The following TTC39C variants were observed in gnomAD, a reference collection of about 807,000 sequenced individuals.
The protein encoded by TTC39C is tetratricopeptide repeat domain 39C.
TTC39C carries 33 observed loss-of-function variants against 76.3 expected under a neutral mutation model. That is an observed-to-expected ratio of 0.43 (90% CI 0.33 to 0.58). The LOEUF is 0.58. Ranked by LOEUF, TTC39C falls within the 20% of genes least tolerant of loss-of-function variation. The pLI, the probability that TTC39C is intolerant of heterozygous loss-of-function variation, is 0.04. For missense variants in TTC39C, 595 were observed against 701.4 expected (o/e 0.85, Z 1.71); for synonymous variants, 254 against 260.6 (o/e 0.97, Z 0.24).
rs1241117430 is a variant in TTC39C at position 24,020,123 on chromosome 18, T to C, written c.167+5085T>C. On this transcript the variant is annotated intron_variant, in intron 1 of 13. Coordinates refer to ENST00000317571, the MANE Select transcript of TTC39C (RefSeq NM_001135993.2). The stretch of plus-strand genomic sequence containing the variant: ...AGAGATGTAAGAAAAGGAGAAGAAA[T>C]GAAAAGCAGAAATGGTTTAAGGGAA... 3.1e-6 allele frequency: 4 copies of C among 1,272,316 alleles called. No individual in the cohort carries two copies. The South Asian group carries it at 1.1e-4, about 35-fold the overall frequency. The allele number at this position is 1,272,316 out of a possible 1,614,324, so 78.8% of individuals were successfully genotyped here.
intron 1 of TTC39C, among the ~76,000 whole-genome samples, chr18:24,053,160 T>C (rs2083973760): frequency 6.6e-6 from 1 of 152,194 alleles, no homozygotes; most frequent in Non-Finnish European, 1.5e-5. Context: ...TTAATAACAA[T>C]ATGAATCATG....
intron 1 of TTC39C, among the ~76,000 whole-genome samples, chr18:24,043,131 A>T (rs2083818579): frequency 6.6e-6 from 1 of 152,230 alleles, no homozygotes; most frequent in Non-Finnish European, 1.5e-5. Context: ...AGTTGAAAAT[A>T]ATGTAATTCG....
At chr18:24,127,029 A>G (rs2085059557) in intron 10 of TTC39C, among the ~76,000 whole-genome samples, 1 of 152,264 alleles carries the variant, frequency 6.6e-6, no homozygotes, top group Admixed American at 6.5e-5. Context: ...TTACCAGTTA[A>G]GTGAGATTTG....
chr18:24,071,359 G>T (rs2084239781), intron 4 of TTC39C, among the ~76,000 whole-genome samples: 1 of 152,158 alleles, frequency 6.6e-6, no homozygotes, highest in South Asian at 2.1e-4. Flanking sequence ...CCCTGCCCTC[G>T]TGAAGCTGAG....
chr18:24,025,012 G>C (rs947611536), intron 1 of TTC39C, among the ~76,000 whole-genome samples: 3 of 152,054 alleles, frequency 2.0e-5, no homozygotes, highest in African/African-American at 7.2e-5. Context: ...GGGTCTACAG[G>C]TGCGTGCCGC....
chr18:24,118,089 C>A (rs1284357140), intron 7 of TTC39C, 36 bp from the exon 8 acceptor site: 1 of 1,579,390 alleles, frequency 6.3e-7, no homozygotes, highest in Non-Finnish European at 8.7e-7. Context: ...GAGCTCAGTA[C>A]TTTAGGGTCA....
rs1568408676 is a variant in TTC39C at position 24,023,947 on chromosome 18, C to CTAT, written c.167+8909_167+8910insTAT. On this transcript the variant is annotated intron_variant, in intron 1 of 13. Transcript: ENST00000317571. ...AAATAAAATTACATATATATATATG[C>CTAT]ATGTATATATATATATATATATATA... Among the ~76,000 whole-genome samples the CTAT allele has an allele frequency of 1.8e-3, 117 of 64,028 alleles. 6 individuals carry two copies. Among genetic ancestry groups the CTAT allele is most frequent in the Middle Eastern group, 8.6e-3 (1 of 116 alleles). 42.0% of individuals were successfully genotyped at this position (64,028 alleles called of 152,430 possible).
chr18:24,038,373 C>A (rs75993620), intron 1 of TTC39C, among the ~76,000 whole-genome samples: 5 of 152,282 alleles, frequency 3.3e-5, no homozygotes, highest in Admixed American at 3.3e-4. Flanking sequence ...GCCTCGACCT[C>A]CCAGGCTCAG....
chr18:24,127,961 C>T (rs887248298), intron 10 of TTC39C, among the ~76,000 whole-genome samples: 6 of 152,206 alleles, frequency 3.9e-5, no homozygotes, highest in Non-Finnish European at 7.3e-5. Flanking sequence ...CAGCAGCAGG[C>T]AGTGCTCCCA....
intron 7 of TTC39C, among the ~76,000 whole-genome samples, chr18:24,117,035 C>T (rs2084902895): frequency 6.6e-6 from 1 of 151,970 alleles, no homozygotes; most frequent in Non-Finnish European, 1.5e-5. Context: ...CTAAGCTGGT[C>T]TGGATCTCTT....
In TTC39C at chr18:24,001,823, G is replaced by GTTTTTTTTTTT. The variant is rs750295981; in HGVS notation, c.-17+8795_-17+8805dup. On this transcript the variant is annotated intron_variant, in intron 1 of 13. Transcript: ENST00000304621. ...GGAGGGTGAGGTGTACGGTAATTCT[G>GTTTTTTTTTTT]TTTTTTTTTTTTTTTTTTTTGAGAC... 1.4e-4 allele frequency among the ~76,000 whole-genome samples: 8 copies of GTTTTTTTTTTT among 57,496 alleles called. 1 individual carries two copies. The highest frequency in any genetic ancestry group is 4.5e-4 in the South Asian group (1 of 2,230). The allele number at this position is 57,496 out of a possible 152,430, so 37.7% of individuals were successfully genotyped here. A position where few individuals can be genotyped will look rare whatever the true frequency, so the allele number is the denominator to read the frequency against.
At chr18:24,096,860 T>G (rs1401578885) in intron 6 of TTC39C, among the ~76,000 whole-genome samples, 2 of 152,222 alleles carry the variant, frequency 1.3e-5, no homozygotes, top group Non-Finnish European at 2.9e-5. Context: ...TTCCAGACTC[T>G]TTTGTAAGCG....
chr18:24,013,913 T>C (rs535907304), upstream of TTC39C, among the ~76,000 whole-genome samples: 3 of 152,390 alleles, frequency 2.0e-5, no homozygotes, highest in South Asian at 6.2e-4. Flanking sequence ...GCAAGAATAA[T>C]TGGCAGTGTG....
chr18:24,114,170 A>G lies in TTC39C; in HGVS notation c.985-384A>G. On this transcript the variant is annotated intron_variant, in intron 6 of 13. Coordinates refer to ENST00000317571, the MANE Select transcript of TTC39C (RefSeq NM_001135993.2). ...AGGGGCTAGATTAGCAAACAATTAA[A>G]ATCCAACACGTCCTACTGTACAAGT... 3 of 255,780 alleles carry G rather than the reference A, an allele frequency of 1.2e-5. No individual in the cohort carries two copies. In the South Asian group the frequency reaches 1.4e-4, roughly 12 times the overall value. The allele number at this position is 255,780 out of a possible 1,614,324, so 15.8% of individuals were successfully genotyped here.
At chr18:24,075,343 C>G (rs2145749629) in intron 4 of TTC39C, among the ~76,000 whole-genome samples, 1 of 151,848 alleles carries the variant, frequency 6.6e-6, no homozygotes, top group South Asian at 2.1e-4. Context: ...GATAACGAGG[C>G]AGTGGGCTGA....
intron 10 of TTC39C, 147 bp downstream of exon 10, chr18:24,125,697 T>A: frequency 9.6e-7 from 1 of 1,043,314 alleles, no homozygotes. Context: ...GAGGGTGTCG[T>A]GATGAAGAAA....
chr18:24,108,660 A>G (rs1462464865), intron 6 of TTC39C, among the ~76,000 whole-genome samples: 5 of 152,228 alleles, frequency 3.3e-5, no homozygotes, highest in Non-Finnish European at 7.3e-5. Flanking sequence ...AATATCAAGA[A>G]TAGCTTGAAT....
At chr18:24,102,459 G>A (rs149351336) in intron 6 of TTC39C, among the ~76,000 whole-genome samples, 40 of 152,260 alleles carry the variant, frequency 2.6e-4, no homozygotes, top group African/African-American at 8.7e-4. Context: ...CATGGAATTC[G>A]GTTATGAAGA....
chr18:24,037,344 C>T (rs1460837380), intron 1 of TTC39C, among the ~76,000 whole-genome samples: 2 of 152,190 alleles, frequency 1.3e-5, no homozygotes, highest in Admixed American at 6.5e-5. Flanking sequence ...TTGGACTATG[C>T]TCCTTGAGAT....
Sources: allele counts gnomAD v4.1 joint callset (sites outside exome capture counted in the v4.1 genomes callset), GRCh38; gene constraint gnomAD v4.1.1; transcripts MANE v1.5; gene names NCBI Gene and HGNC (gene_info 2026-07-23, HGNC 2026-07-21).